VAV3: variants seen among roughly 807,000 people sequenced by gnomAD.
VAV3 encodes the protein vav guanine nucleotide exchange factor 3.
Under a neutral mutation model 131.2 loss-of-function variants are expected in VAV3, and 94 were observed. The observed-to-expected ratio is 0.72, with a 90% CI of 0.61 to 0.85. The LOEUF (loss-of-function observed/expected upper bound fraction) is 0.85. VAV3 is among the 40% of genes least tolerant of loss of function. The probability of loss-of-function intolerance (pLI) is 0.00; values close to 1 mark genes in which losing one functional copy is unlikely to be tolerated. For synonymous variants in VAV3, 349 were observed against 342.0 expected (o/e 1.02, Z -0.22); for missense variants, 939 against 1,002.7 (o/e 0.94, Z 0.86).
At position 107,943,485 on chromosome 1, in the gene VAV3, C is replaced by T. The variant is rs149758509; in HGVS notation, c.204+21181G>A. On this transcript the variant is annotated intron_variant, in intron 1 of 26. Transcript: ENST00000370056. ...ACCTCACACAATAGCACTCTTAAAA[C>T]TTCCCAGCACTTTGGGAGGCCGAGG... is the stretch of plus-strand genomic sequence containing the variant. Among the ~76,000 whole-genome samples the T allele has an allele frequency of 4.2e-3, 636 of 152,100 alleles. 2 individuals are homozygous for T. Among genetic ancestry groups the T allele is most frequent in the Middle Eastern group, 0.017 (5 of 294 alleles).
chr1:107,582,301 A>T (rs1650112924), intron 25 of VAV3, among the ~76,000 whole-genome samples: 1 of 152,184 alleles, frequency 6.6e-6, no homozygotes, highest in African/African-American at 2.4e-5. Flanking sequence ...ACTCAGGCAT[A>T]TCGTTTTAGA....
intron 15 of VAV3, among the ~76,000 whole-genome samples, chr1:107,733,552 T>C (rs1239863442): frequency 6.6e-6 from 1 of 152,186 alleles, no homozygotes; most frequent in Non-Finnish European, 1.5e-5. Flanking sequence ...TTAAATGACC[T>C]GATGGAGCTG....
At chr1:107,926,576 C>T (rs946176187) in intron 1 of VAV3, among the ~76,000 whole-genome samples, 2 of 90,922 alleles carry the variant, frequency 2.2e-5, no homozygotes, top group African/African-American at 5.6e-5. Context: ...GGATGCCACC[C>T]CTCCCCCATC....
intron 2 of VAV3, among the ~76,000 whole-genome samples, chr1:107,841,388 G>A (rs1045533984): frequency 1.3e-5 from 2 of 152,190 alleles, no homozygotes; most frequent in Admixed American, 1.3e-4. Flanking sequence ...AAAGGGCACA[G>A]AAATTGTCAG....
chr1:107,928,769 C>A (rs1169865546), intron 1 of VAV3, among the ~76,000 whole-genome samples: 2 of 151,718 alleles, frequency 1.3e-5, no homozygotes, highest in Non-Finnish European at 2.9e-5. Context: ...GAAAACAGCT[C>A]GAAAGGGAAA....
chr1:107,862,337 C>T (rs911389339), intron 2 of VAV3, among the ~76,000 whole-genome samples: 1 of 151,396 alleles, frequency 6.6e-6, no homozygotes, highest in African/African-American at 2.4e-5. Context: ...GTTCCACCCC[C>T]ACACTACCCC....
intron 1 of VAV3, among the ~76,000 whole-genome samples, chr1:107,950,838 G>C (rs1368051277): frequency 5.9e-5 from 9 of 152,156 alleles, no homozygotes; most frequent in Admixed American, 5.9e-4. Context: ...GGAGGATAAT[G>C]GCTTAGTAGA....
intron 1 of VAV3, among the ~76,000 whole-genome samples, chr1:107,879,336 T>C (rs1670653767): frequency 6.6e-6 from 1 of 152,206 alleles, no homozygotes; most frequent in Non-Finnish European, 1.5e-5. Context: ...AAGCAATCTA[T>C]CACTTGCAAC....
At chr1:107,720,432 A>AAAT (rs1661423565) in intron 15 of VAV3, among the ~76,000 whole-genome samples, 6 of 110,440 alleles carry the variant, frequency 5.4e-5, no homozygotes, top group South Asian at 3.1e-4. Flanking sequence ...AATAAATAAA[A>AAAT]GTTCCATCTG....
chr1:107,820,084 T>A (rs1476928817), intron 2 of VAV3, among the ~76,000 whole-genome samples: 1 of 152,140 alleles, frequency 6.6e-6, no homozygotes, highest in Non-Finnish European at 1.5e-5. Flanking sequence ...AACTACCATA[T>A]GATCCAGCAA....
chr1:107,835,445 A>T (rs1440617744), intron 2 of VAV3, among the ~76,000 whole-genome samples: 1 of 152,010 alleles, frequency 6.6e-6, no homozygotes, highest in Non-Finnish European at 1.5e-5. Flanking sequence ...CACTCTGAAC[A>T]CTGAGAAGAG....
intron 2 of VAV3, chr1:107,785,346 G>T: frequency 9.6e-7 from 1 of 1,040,400 alleles, no homozygotes; most frequent in Non-Finnish European, 1.3e-6. Flanking sequence ...ATCTTCTTGA[G>T]TTCTCTATTC....
chr1:107,614,492 TATA>T, intron 21 of VAV3, among the ~76,000 whole-genome samples: 1 of 152,074 alleles, frequency 6.6e-6, no homozygotes, highest in South Asian at 2.1e-4. Flanking sequence ...AAAAAAAATC[TATA>T]ATTTCATTAA....
chr1:107,710,004 A>T (rs1303031511), intron 15 of VAV3, among the ~76,000 whole-genome samples: 1 of 152,272 alleles, frequency 6.6e-6, no homozygotes, highest in Non-Finnish European at 1.5e-5. Flanking sequence ...CAGTGTAGTT[A>T]GTAATACAAT....
chr1:107,883,898 C>G (rs1670904218), intron 1 of VAV3, among the ~76,000 whole-genome samples: 1 of 152,192 alleles, frequency 6.6e-6, no homozygotes, highest in East Asian at 1.9e-4. Flanking sequence ...CCTGGACATA[C>G]AAAAGGAAGA....
At chr1:107,598,138 G>A (rs188646926) in intron 24 of VAV3, among the ~76,000 whole-genome samples, 63 of 152,314 alleles carry the variant, frequency 4.1e-4, no homozygotes, top group African/African-American at 1.4e-3. Context: ...CGGATCACCT[G>A]AGGCCAGGAG....
intron 1 of VAV3, among the ~76,000 whole-genome samples, chr1:107,924,727 C>A (rs753656982): frequency 2.3e-4 from 35 of 152,284 alleles, no homozygotes; most frequent in Middle Eastern, 3.4e-3. Context: ...AAATGTTTAT[C>A]CTGTTTCTTT....
intron 2 of VAV3, among the ~76,000 whole-genome samples, chr1:107,836,848 A>C (rs924841247): frequency 1.3e-5 from 2 of 152,156 alleles, no homozygotes; most frequent in African/African-American, 4.8e-5. Flanking sequence ...CACAACCTCC[A>C]AGATTGAACC....
chr1:107,776,080 T>A (rs1260480238), intron 4 of VAV3, among the ~76,000 whole-genome samples: 1 of 152,216 alleles, frequency 6.6e-6, no homozygotes, highest in East Asian at 1.9e-4. Flanking sequence ...AACAACCTAG[T>A]AATATTGTGG....
Sources: allele counts gnomAD v4.1 joint callset (sites outside exome capture counted in the v4.1 genomes callset), GRCh38; gene constraint gnomAD v4.1.1; transcripts MANE v1.5; gene names NCBI Gene and HGNC (gene_info 2026-07-23, HGNC 2026-07-21).